Variants in CNTNAP2 observed in about 807,000 individuals in gnomAD.
The protein encoded by CNTNAP2 is contactin associated protein 2.
CNTNAP2 carries 98 observed loss-of-function variants against 155.2 expected under a neutral mutation model. The ratio of observed to expected loss-of-function variants is 0.63; its 90% CI spans 0.54 to 0.75. The LOEUF is 0.75. CNTNAP2 is among the 30% of genes least tolerant of loss of function. The probability of loss-of-function intolerance (pLI) is 0.00; values close to 1 mark genes in which losing one functional copy is unlikely to be tolerated. For synonymous variants in CNTNAP2, 651 were observed against 631.2 expected, an observed-to-expected ratio of 1.03 and a Z score of -0.47; for missense variants, 1,727 against 1,688.1, an observed-to-expected ratio of 1.02 and a Z score of -0.40.
intron 1 of CNTNAP2, among the ~76,000 whole-genome samples, chr7:146,272,941 G>T (rs908987466): frequency 6.6e-6 from 1 of 152,104 alleles, no homozygotes; most frequent in Admixed American, 6.6e-5. Flanking sequence ...CAAAGGAGAA[G>T]TGAAGGAGGA....
intron 1 of CNTNAP2, among the ~76,000 whole-genome samples, chr7:146,412,066 C>G (rs938146384): frequency 2.0e-5 from 3 of 152,068 alleles, no homozygotes; most frequent in African/African-American, 4.8e-5. Context: ...CTCTTGACCT[C>G]CAGTGATCCA....
chr7:147,405,840 A>G (rs1171842147), intron 10 of CNTNAP2, among the ~76,000 whole-genome samples: 4 of 152,292 alleles, frequency 2.6e-5, no homozygotes, highest in Admixed American at 6.5e-5. Flanking sequence ...ACTTGAAACC[A>G]AAACTGAAAA....
At chr7:148,126,375 T>C (rs1258041968) in intron 16 of CNTNAP2, among the ~76,000 whole-genome samples, 1 of 152,170 alleles carries the variant, frequency 6.6e-6, no homozygotes, top group Non-Finnish European at 1.5e-5. Flanking sequence ...GGTGCTAGTC[T>C]GAATGGAGAG....
chr7:146,933,819 A>G (rs368264064), intron 3 of CNTNAP2, among the ~76,000 whole-genome samples: 6,694 of 152,280 alleles, frequency 0.044, 166 homozygotes, highest in South Asian at 0.075. Context: ...ACATTTATGC[A>G]GCCAAAAAGC....
intron 1 of CNTNAP2, among the ~76,000 whole-genome samples, chr7:146,356,782 A>G (rs1795004609): frequency 6.6e-6 from 1 of 152,060 alleles, no homozygotes; most frequent in Non-Finnish European, 1.5e-5. Context: ...GCTTTACTAG[A>G]TCTTGGCAAA....
chr7:146,749,013 G>A (rs1801858830), intron 1 of CNTNAP2, among the ~76,000 whole-genome samples: 1 of 152,168 alleles, frequency 6.6e-6, no homozygotes, highest in Admixed American at 6.5e-5. Flanking sequence ...AAGTTATTGT[G>A]TAGCGAGGGC....
rs766364265 is a variant in CNTNAP2, at chr7:147,975,026, A to ATAATACAATTTTTTGTATTACG, written c.2256-2834_2256-2833insATACAATTTTTTGTATTACGTA. ...TGTATTATACAATTTTTTGTATTAC[A>ATAATACAATTTTTTGTATTACG]TATAATACAATTTTTTGTATTACGT... On this transcript the variant is annotated intron_variant, in intron 14 of 23. Coordinates refer to ENST00000361727, the MANE Select transcript of CNTNAP2 (RefSeq NM_014141.6). Among the ~76,000 whole-genome samples, 413 of 137,120 alleles carry ATAATACAATTTTTTGTATTACG rather than the reference A, an allele frequency of 3.0e-3. 1 individual carries two copies. Among genetic ancestry groups the ATAATACAATTTTTTGTATTACG allele is most frequent in the Non-Finnish European group, 5.9e-3 (363 of 61,108 alleles). The allele number at this position is 137,120 out of a possible 152,430, so 90.0% of individuals were successfully genotyped here.
chr7:147,916,095 G>A (rs902536896), intron 14 of CNTNAP2, among the ~76,000 whole-genome samples: 2 of 152,110 alleles, frequency 1.3e-5, no homozygotes, highest in Non-Finnish European at 2.9e-5. Context: ...AAAACTTCAG[G>A]AGGCTCATCC....
chr7:147,801,669 A>G (rs932904424), intron 13 of CNTNAP2, among the ~76,000 whole-genome samples: 15 of 152,304 alleles, frequency 9.8e-5, no homozygotes, highest in African/African-American at 1.4e-4. Context: ...GGATCCCAAG[A>G]CAGAAGAATT....
chr7:147,853,456 A>G (rs1385646719), intron 13 of CNTNAP2, among the ~76,000 whole-genome samples: 1 of 152,010 alleles, frequency 6.6e-6, no homozygotes, highest in Non-Finnish European at 1.5e-5. Flanking sequence ...ACCGCTTTAA[A>G]AATCCTATTT....
chr7:146,218,413 G>A (rs1177927276), intron 1 of CNTNAP2, among the ~76,000 whole-genome samples: 1 of 152,068 alleles, frequency 6.6e-6, no homozygotes, highest in Non-Finnish European at 1.5e-5. Context: ...GGAGGCTGAG[G>A]CAGGAGAATG....
intron 3 of CNTNAP2, among the ~76,000 whole-genome samples, chr7:146,873,096 C>T (rs1402525813): frequency 6.6e-6 from 1 of 152,098 alleles, no homozygotes; most frequent in Non-Finnish European, 1.5e-5. Flanking sequence ...AAACTTCTAC[C>T]ATTGGAGAAT....
chr7:147,770,041 T>C (rs1797444649), intron 13 of CNTNAP2, among the ~76,000 whole-genome samples: 1 of 151,724 alleles, frequency 6.6e-6, no homozygotes, highest in Admixed American at 6.6e-5. Flanking sequence ...ATTGTCCTTA[T>C]GTGTGTGTGT....
At chr7:147,682,745 G>A (rs989733869) in intron 13 of CNTNAP2, among the ~76,000 whole-genome samples, 1 of 151,924 alleles carries the variant, frequency 6.6e-6, no homozygotes, top group Non-Finnish European at 1.5e-5. Context: ...GCAAAGTGGG[G>A]AAAGATATTC....
At chr7:146,881,220 AT>A (rs776821700) in intron 3 of CNTNAP2, among the ~76,000 whole-genome samples, 12 of 152,142 alleles carry the variant, frequency 7.9e-5, no homozygotes, top group Non-Finnish European at 4.4e-5. Flanking sequence ...GGAAAAGCCA[AT>A]AAAACTGTAT....
chr7:148,000,513 G>A (rs1467195298), intron 15 of CNTNAP2, among the ~76,000 whole-genome samples: 1 of 152,116 alleles, frequency 6.6e-6, no homozygotes, highest in African/African-American at 2.4e-5. Context: ...TTACAGACGT[G>A]AAAACCATGA....
intron 16 of CNTNAP2, among the ~76,000 whole-genome samples, chr7:148,123,548 G>T (rs967084524): frequency 1.3e-5 from 2 of 151,870 alleles, no homozygotes; most frequent in African/African-American, 4.8e-5. Flanking sequence ...AGTGAGCTAT[G>T]ATCACACAGC....
intron 3 of CNTNAP2, among the ~76,000 whole-genome samples, chr7:146,841,171 C>A (rs1402125785): frequency 6.6e-6 from 1 of 152,118 alleles, no homozygotes; most frequent in African/African-American, 2.4e-5. Context: ...GCAGCCTGGG[C>A]TTTGGGATTT....
At chr7:147,641,163 T>C (rs1031398411) in intron 13 of CNTNAP2, among the ~76,000 whole-genome samples, 5 of 143,706 alleles carry the variant, frequency 3.5e-5, no homozygotes, top group African/African-American at 1.4e-4. Context: ...AAGAAACATT[T>C]TGGAGCTGCT....
Sources: gnomAD v4.1 joint callset for allele counts (sites outside exome capture counted in the v4.1 genomes callset) on GRCh38, gnomAD v4.1.1 for gene constraint, MANE v1.5 for transcripts, NCBI Gene and HGNC (gene_info 2026-07-23, HGNC 2026-07-21) for gene names.